EPHB1: variants seen among roughly 807,000 people sequenced by gnomAD.
EPHB1 encodes the protein ephrin type-B receptor 1.
Under a neutral mutation model 94.4 loss-of-function variants are expected in EPHB1, and 30 were observed. The observed-to-expected ratio is 0.32, with a 90% CI of 0.24 to 0.43. EPHB1 has a LOEUF of 0.43. Ranked by LOEUF, EPHB1 falls within the 20% of genes least tolerant of loss-of-function variation. The probability of loss-of-function intolerance (pLI) is 1.00; values close to 1 mark genes in which losing one functional copy is unlikely to be tolerated. For missense variants in EPHB1, 1,055 were observed against 1,308.3 expected (o/e 0.81, Z 2.99); for synonymous variants, 522 against 489.1 (o/e 1.07, Z -0.89).
At chr3:135,138,054 T>G (rs1001380639) in intron 5 of EPHB1, among the ~76,000 whole-genome samples, 12 of 152,338 alleles carry the variant, frequency 7.9e-5, no homozygotes, top group Admixed American at 4.6e-4. Context: ...CTATCTTTCC[T>G]CATTGTGTAT....
chr3:134,849,746 A>G (rs114273583), intron 1 of EPHB1, among the ~76,000 whole-genome samples: 2,582 of 152,310 alleles, frequency 0.017, 29 homozygotes, highest in Non-Finnish European at 0.026. Flanking sequence ...CAGCCCTCGC[A>G]TGGCTGCCTC....
chr3:135,134,132 A>G (rs1421892778), intron 5 of EPHB1, among the ~76,000 whole-genome samples: 2 of 152,248 alleles, frequency 1.3e-5, no homozygotes, highest in East Asian at 3.8e-4. Context: ...TGAACATCAC[A>G]TGCACAGGCA....
chr3:134,856,789 C>A (rs551854383), intron 1 of EPHB1, among the ~76,000 whole-genome samples: 5 of 152,282 alleles, frequency 3.3e-5, no homozygotes, highest in Admixed American at 6.5e-5. Flanking sequence ...TAAACTAAAT[C>A]GTTAAAATTA....
At chr3:134,904,395 C>T (rs1202664599) in intron 1 of EPHB1, among the ~76,000 whole-genome samples, 3 of 152,154 alleles carry the variant, frequency 2.0e-5, no homozygotes, top group East Asian at 3.8e-4. Flanking sequence ...TCTGAGGCAG[C>T]GTGTGAAAGC....
chr3:135,065,644 C>T (rs1337271366), intron 3 of EPHB1, among the ~76,000 whole-genome samples: 1 of 152,158 alleles, frequency 6.6e-6, no homozygotes, highest in Non-Finnish European at 1.5e-5. Context: ...ATCCATTCTG[C>T]AGTTCTGTAT....
intron 1 of EPHB1, among the ~76,000 whole-genome samples, chr3:134,824,359 G>GT (rs1447432372): frequency 7.2e-5 from 11 of 152,250 alleles, no homozygotes; most frequent in African/African-American, 2.6e-4. Flanking sequence ...CACAGTGCCA[G>GT]TTGGTGCACA....
intron 15 of EPHB1, among the ~76,000 whole-genome samples, chr3:135,256,804 C>T (rs952817877): frequency 5.9e-5 from 9 of 152,112 alleles, no homozygotes; most frequent in African/African-American, 2.2e-4. Context: ...TAATATCCTG[C>T]AGCGTGTTTT....
In EPHB1 at chr3:135,124,491, A is replaced by G. The variant is rs143938494; in HGVS notation, c.962-8223A>G. On this transcript the variant is annotated intron_variant, in intron 4 of 15. Coordinates refer to ENST00000398015, the MANE Select transcript of EPHB1 (RefSeq NM_004441.5). ...AATGAGTTAAAAATTACAGCTGCCA[A>G]TAGAGAAGCCATCCTAAGTGACTGG... Among the ~76,000 whole-genome samples the G allele has an allele frequency of 3.4e-4, 52 of 151,910 alleles. 2 individuals carry two copies. Among genetic ancestry groups the G allele is most frequent in the African/African-American group, 1.2e-3 (49 of 41,160 alleles).
At chr3:134,867,691 C>G (rs2037408889) in intron 1 of EPHB1, among the ~76,000 whole-genome samples, 1 of 152,146 alleles carries the variant, frequency 6.6e-6, no homozygotes, top group African/African-American at 2.4e-5. Context: ...CGAATGAGTT[C>G]AAGATTGTAT....
intron 11 of EPHB1, among the ~76,000 whole-genome samples, chr3:135,193,261 C>T (rs1365561434): frequency 6.6e-6 from 1 of 152,184 alleles, no homozygotes; most frequent in Non-Finnish European, 1.5e-5. Flanking sequence ...TTTTCTGATG[C>T]CTGGGCCACC....
At chr3:134,897,959 C>A (rs2038118834) in intron 1 of EPHB1, among the ~76,000 whole-genome samples, 1 of 152,198 alleles carries the variant, frequency 6.6e-6, no homozygotes, top group Non-Finnish European at 1.5e-5. Context: ...TGTAGCACCC[C>A]CCTGTGTTTC....
chr3:135,130,814 A>C (rs75805802), intron 4 of EPHB1, among the ~76,000 whole-genome samples: 1,529 of 152,332 alleles, frequency 0.01, 20 homozygotes, highest in African/African-American at 0.035. Flanking sequence ...GCAAGCACTC[A>C]GTGAATGCCT....
intron 15 of EPHB1, among the ~76,000 whole-genome samples, chr3:135,256,119 C>T (rs1372278116): frequency 5.3e-5 from 8 of 152,276 alleles, no homozygotes; most frequent in Non-Finnish European, 1.0e-4. Flanking sequence ...TGTCTTTGCA[C>T]ATGAGATGGG....
intron 1 of EPHB1, among the ~76,000 whole-genome samples, chr3:134,878,939 A>C (rs2037671188): frequency 6.6e-6 from 1 of 152,210 alleles, no homozygotes; most frequent in South Asian, 2.1e-4. Context: ...GTTTTTGGAT[A>C]ATAAGTGTTT....
chr3:135,120,222 G>T (rs1358831725), intron 4 of EPHB1, among the ~76,000 whole-genome samples: 2 of 152,160 alleles, frequency 1.3e-5, no homozygotes, highest in Non-Finnish European at 2.9e-5. Flanking sequence ...TCTTCTTTAT[G>T]ATATTCTTTA....
At chr3:134,848,185 C>T (rs2036913247) in intron 1 of EPHB1, among the ~76,000 whole-genome samples, 1 of 152,106 alleles carries the variant, frequency 6.6e-6, no homozygotes, top group African/African-American at 2.4e-5. Flanking sequence ...CTGTTGAACA[C>T]AGGAATGTGT....
chr3:134,949,382 A>G (rs529640542), intron 2 of EPHB1, among the ~76,000 whole-genome samples: 2 of 151,738 alleles, frequency 1.3e-5, no homozygotes, highest in Admixed American at 6.6e-5. Flanking sequence ...AGACCTGGGC[A>G]TGCAGGGCCA....
chr3:135,250,107 T>C (rs770054518), intron 15 of EPHB1, among the ~76,000 whole-genome samples: 15 of 152,172 alleles, frequency 9.9e-5, no homozygotes, highest in Non-Finnish European at 2.1e-4. Flanking sequence ...TAATAGGTTC[T>C]CCTTGGAAAA....
At chr3:135,009,250 A>G (rs1259600383) in intron 3 of EPHB1, among the ~76,000 whole-genome samples, 1 of 152,122 alleles carries the variant, frequency 6.6e-6, no homozygotes, top group Non-Finnish European at 1.5e-5. Context: ...GCTGAAGTCT[A>G]CAGGCCCCAG....
Sources: allele counts gnomAD v4.1 joint callset (sites outside exome capture counted in the v4.1 genomes callset), GRCh38; gene constraint gnomAD v4.1.1; transcripts MANE v1.5; gene names NCBI Gene and HGNC (gene_info 2026-07-23, HGNC 2026-07-21).